Variants in EPM2A observed in about 807,000 individuals in gnomAD.
The protein encoded by EPM2A is EPM2A glucan phosphatase, laforin.
A neutral mutation model predicts 26.5 loss-of-function variants in EPM2A; 21 were observed. The observed-to-expected ratio is 0.79, with a 90% CI of 0.56 to 1.14. EPM2A has a LOEUF of 1.14. Ranked by LOEUF, EPM2A falls within the 50% of genes most tolerant of loss-of-function variation. The pLI is 0.00. For synonymous variants in EPM2A, 217 were observed against 177.6 expected, an observed-to-expected ratio of 1.22 and a Z score of -1.76; for missense variants, 458 against 440.8, an observed-to-expected ratio of 1.04 and a Z score of -0.35.
At chr6:145,384,641 C>T (rs1280155273) in intron 4 of EPM2A, among the ~76,000 whole-genome samples, 1 of 146,890 alleles carries the variant, frequency 6.8e-6, no homozygotes, top group Non-Finnish European at 1.5e-5. Context: ...AGAGTAGTTC[C>T]TGGGGAGTGC....
At chr6:145,489,903 T>C (rs1373974644) in intron 4 of EPM2A, 7 of 1,357,528 alleles carry the variant, frequency 5.2e-6, no homozygotes, top group East Asian at 2.3e-5. Flanking sequence ...CAGTACCTTC[T>C]TCAGTCTGAA....
At chr6:145,396,678 C>T (rs564939365) in intron 4 of EPM2A, among the ~76,000 whole-genome samples, 1 of 152,312 alleles carries the variant, frequency 6.6e-6, no homozygotes, top group Non-Finnish European at 1.5e-5. Flanking sequence ...AACCCCTAAA[C>T]TCTCCTCCAA....
chr6:145,715,304 C>G (rs1482494849), intron 1 of EPM2A, among the ~76,000 whole-genome samples: 1 of 152,084 alleles, frequency 6.6e-6, no homozygotes, highest in Non-Finnish European at 1.5e-5. Flanking sequence ...GGTACACTCA[C>G]TCTGACTGGG....
chr6:145,493,929 A>C (rs1478701692), intron 4 of EPM2A, among the ~76,000 whole-genome samples: 1 of 152,172 alleles, frequency 6.6e-6, no homozygotes, highest in Non-Finnish European at 1.5e-5. Flanking sequence ...CATCAAGAAT[A>C]TTGTCCTGAG....
rs559331986 is a variant in EPM2A at position 145,697,568 on chromosome 6, T to C, written c.302-11272A>G. ...GGGAGCACTATGGGAGACTGGGGTT[T>C]ATTTCATCCCTACGGCTCGACCATA... is the stretch of plus-strand genomic sequence containing the variant. On this transcript the variant is annotated intron_variant, in intron 1 of 3. Transcript: ENST00000367519. 3.3e-5 allele frequency among the ~76,000 whole-genome samples: 5 copies of C among 152,194 alleles called. No individual in the cohort carries two copies. In the East Asian group the frequency reaches 9.7e-4, roughly 29 times the overall value.
intron 2 of EPM2A, among the ~76,000 whole-genome samples, chr6:145,580,580 A>G (rs969046166): frequency 1.4e-4 from 21 of 152,076 alleles, no homozygotes; most frequent in Non-Finnish European, 2.9e-5. Context: ...GTAAATTTCA[A>G]ATCAAGAGGG....
intron 3 of EPM2A, chr6:145,634,516 C>G (rs1562422932): frequency 1.3e-5 from 2 of 152,584 alleles, no homozygotes; most frequent in Non-Finnish European, 2.9e-5. Flanking sequence ...ACCCATTCCC[C>G]TCTGTGCTGT....
intron 2 of EPM2A, among the ~76,000 whole-genome samples, chr6:145,608,260 C>G (rs1177826037): frequency 1.3e-5 from 2 of 152,118 alleles, no homozygotes; most frequent in Non-Finnish European, 2.9e-5. Flanking sequence ...TAAACTTTAT[C>G]ATAGGTATGT....
At position 145,627,682 on chromosome 6, in the gene EPM2A, T is replaced by C. The variant is rs199501998; in HGVS notation, c.730A>G (p.Met244Val). Reference protein sequence around the residue: ...PDMSTEGRVQMLPQAVCLLHA... With the variant: ...PDMSTEGRVQVLPQAVCLLHA... ...AGCAGGCACACCGCCTGGGGCAGCA[T>C]CTGTACTCGGCCTGCGGTGGGGAAA... The change falls in exon 4 of 4, where the codon ATG (methionine) becomes GTG (valine). Residue 244 changes from methionine (M) to valine (V), a missense_variant. Coordinates refer to ENST00000367519, the MANE Select transcript of EPM2A (RefSeq NM_005670.4). 3.7e-6 allele frequency: 6 copies of C among 1,614,118 alleles called. No homozygotes were observed. The Admixed American group carries it at 1.0e-4, about 27-fold the overall frequency.
intron 4 of EPM2A, among the ~76,000 whole-genome samples, chr6:145,453,491 G>GA (rs1002305722): frequency 1.9e-4 from 28 of 149,896 alleles, no homozygotes; most frequent in Admixed American, 6.7e-4. Context: ...TAAACCAAAA[G>GA]AAAAAAAAAC....
downstream of EPM2A, among the ~76,000 whole-genome samples, chr6:145,624,403 C>A (rs1269527709): frequency 6.6e-6 from 1 of 152,190 alleles, no homozygotes; most frequent in African/African-American, 2.4e-5. Context: ...CCTCTTACTA[C>A]AATTTTTATT....
At chr6:145,697,024 A>G (rs943783332) in intron 1 of EPM2A, among the ~76,000 whole-genome samples, 1 of 152,096 alleles carries the variant, frequency 6.6e-6, no homozygotes, top group Non-Finnish European at 1.5e-5. Context: ...ATTACAACTC[A>G]GTGGGCTCAT....
At chr6:145,588,539 T>C (rs1218405594) in intron 2 of EPM2A, among the ~76,000 whole-genome samples, 3 of 152,208 alleles carry the variant, frequency 2.0e-5, no homozygotes, top group African/African-American at 7.2e-5. Context: ...TGTTAAAGTA[T>C]GAAAGTTTAG....
intron 2 of EPM2A, among the ~76,000 whole-genome samples, chr6:145,527,019 T>C (rs1363331513): frequency 6.6e-6 from 1 of 152,124 alleles, no homozygotes; most frequent in Non-Finnish European, 1.5e-5. Context: ...ATTTTTTGAT[T>C]TCTGCCTTAA....
chr6:145,414,828 G>A (rs1046812802), intron 4 of EPM2A, among the ~76,000 whole-genome samples: 1 of 152,100 alleles, frequency 6.6e-6, no homozygotes, highest in African/African-American at 2.4e-5. Flanking sequence ...CCTTCCCTCT[G>A]TCTACCCACT....
In EPM2A at chr6:145,735,350, C is replaced by T. The variant is rs796052422; in HGVS notation, c.149G>A (p.Gly50Glu). 2 of 1,309,864 alleles carry T rather than the reference C, an allele frequency of 1.5e-6. No homozygotes were observed. The highest frequency in any genetic ancestry group is 3.3e-5 in the Admixed American group (1 of 30,148). The allele number at this position is 1,309,864 out of a possible 1,614,324, so 81.1% of individuals were successfully genotyped here. A position where few individuals can be genotyped will look rare whatever the true frequency, so the allele number is the denominator to read the frequency against. The change falls in exon 1 of 4, where the codon GGG (glycine) becomes GAG (glutamate). Residue 50 changes from glycine (G) to glutamate (E), a missense_variant. Coordinates refer to ENST00000367519, the MANE Select transcript of EPM2A (RefSeq NM_005670.4). ...GCCCGGCTCCTGCAGGGCCAGGGCC[C>T]CGTCGCCCGCCGCGGTGCCGGCCGG... The part of the protein sequence containing the change: ...LRPAGTAAGD[G>E]ALALQEPGLW...
chr6:145,415,762 C>T (rs1778699795), intron 4 of EPM2A, among the ~76,000 whole-genome samples: 2 of 152,162 alleles, frequency 1.3e-5, no homozygotes, highest in East Asian at 3.8e-4. Flanking sequence ...TCTTCAGAAA[C>T]TGTAATAGCT....
chr6:145,547,422 A>G (rs1025276355), intron 2 of EPM2A, among the ~76,000 whole-genome samples: 3 of 152,128 alleles, frequency 2.0e-5, no homozygotes, highest in Non-Finnish European at 2.9e-5. Flanking sequence ...GCAGATATTC[A>G]ATCAAAAATC....
In EPM2A at chr6:145,670,878, C is replaced by T. The variant is rs372786510; in HGVS notation, c.476+15244G>A. 230 of 984,024 alleles carry T rather than the reference C, an allele frequency of 2.3e-4. No homozygotes were observed. In the African/African-American group the frequency reaches 2.4e-3, roughly 10 times the overall value. The allele number at this position is 984,024 out of a possible 1,614,324, so 61.0% of individuals were successfully genotyped here. A position where few individuals can be genotyped will look rare whatever the true frequency, so the allele number is the denominator to read the frequency against. On this transcript the variant is annotated intron_variant, in intron 2 of 3. Coordinates refer to ENST00000367519, the MANE Select transcript of EPM2A (RefSeq NM_005670.4). ...AAGGTACTCTTAGAGAACTCTCACA[C>T]GCCCAGTTAATACTCAATAAAAATC... is the stretch of plus-strand genomic sequence containing the variant.
Sources: gnomAD v4.1 joint callset for allele counts (sites outside exome capture counted in the v4.1 genomes callset) on GRCh38, gnomAD v4.1.1 for gene constraint, MANE v1.5 for transcripts, NCBI Gene and HGNC (gene_info 2026-07-23, HGNC 2026-07-21) for gene names.